The following ANO3 variants were observed in gnomAD, a reference collection of about 807,000 sequenced individuals.
The protein encoded by ANO3 is anoctamin-3.
ANO3 carries 99 observed loss-of-function variants against 144.8 expected under a neutral mutation model. The ratio of observed to expected loss-of-function variants is 0.68; its 90% CI spans 0.58 to 0.81. ANO3 has a LOEUF of 0.81. Ranked by LOEUF, ANO3 falls within the 30% of genes least tolerant of loss-of-function variation. ANO3 has a pLI of 0.00. For missense variants in ANO3, 905 were observed against 1,202.2 expected (o/e 0.75, Z 3.66); for synonymous variants, 414 against 392.6 (o/e 1.05, Z -0.64).
chr11:26,616,663 A>G (rs1018625292), intron 17 of ANO3, among the ~76,000 whole-genome samples: 2 of 152,258 alleles, frequency 1.3e-5, no homozygotes, highest in Non-Finnish European at 2.9e-5. Flanking sequence ...TGAAATAACT[A>G]TATTCTCAAA....
chr11:26,423,008 C>T (rs1590346174), intron 1 of ANO3, among the ~76,000 whole-genome samples: 1 of 152,022 alleles, frequency 6.6e-6, no homozygotes. Context: ...GGCAGGAAAA[C>T]ATAGGGCAGT....
chr11:26,300,855 C>CTTTTTTTTTTTTTT (rs376885670), intron 1 of ANO3, among the ~76,000 whole-genome samples: 5 of 129,068 alleles, frequency 3.9e-5, no homozygotes, highest in Admixed American at 7.8e-5. Context: ...TCTTTTTTTT[C>CTTTTTTTTTTTTTT]TTTTTTTTTT....
At chr11:26,491,586 A>G (rs1860710818) in intron 4 of ANO3, among the ~76,000 whole-genome samples, 1 of 152,222 alleles carries the variant, frequency 6.6e-6, no homozygotes, top group Non-Finnish European at 1.5e-5. Context: ...GCTTCATACC[A>G]GGAGGCCACA....
chr11:26,463,149 G>A lies in ANO3; in HGVS notation c.432+1G>A. ...TGAATTCAAGACAAAATTATCTAAG[G>A]TAATGAGAACTAAATTATCAATAAG... is the stretch of plus-strand genomic sequence containing the variant. On this transcript the variant is annotated splice_donor_variant, in intron 4 of 26. Transcript: ENST00000256737. LOFTEE classifies it high-confidence loss of function. 2 of 1,452,532 alleles carry A rather than the reference G, an allele frequency of 1.4e-6. No individual in the cohort carries two copies. The highest frequency in any genetic ancestry group is 2.3e-5 in the East Asian group (1 of 43,274). The allele number at this position is 1,452,532 out of a possible 1,614,324, so 90.0% of individuals were successfully genotyped here.
chr11:26,260,565 C>T (rs17308985), intron 1 of ANO3, among the ~76,000 whole-genome samples: 10,178 of 152,140 alleles, frequency 0.067, 462 homozygotes, highest in Non-Finnish European at 0.096. Context: ...AGGAGAATAA[C>T]ACTTTAGAAG....
intron 18 of ANO3, among the ~76,000 whole-genome samples, chr11:26,626,042 C>G (rs1354648561): frequency 6.6e-6 from 1 of 152,180 alleles, no homozygotes; most frequent in Admixed American, 6.5e-5. Context: ...TCATTTTCTT[C>G]TGGATTCCAG....
At chr11:26,437,981 A>G in intron 1 of ANO3, among the ~76,000 whole-genome samples, 1 of 152,360 alleles carries the variant, frequency 6.6e-6, no homozygotes, top group East Asian at 1.9e-4. Flanking sequence ...TCAACATATT[A>G]AGATAGCTAA....
chr11:26,397,657 G>A (rs1461385), intron 1 of ANO3, among the ~76,000 whole-genome samples: 40,134 of 151,800 alleles, frequency 0.26, 5,938 homozygotes, highest in African/African-American at 0.4. Context: ...AGGGTGATTG[G>A]CGTATTCATC....
At chr11:26,272,963 A>G (rs1853475393) in intron 1 of ANO3, among the ~76,000 whole-genome samples, 1 of 152,230 alleles carries the variant, frequency 6.6e-6, no homozygotes, top group South Asian at 2.1e-4. Context: ...GCTCCTTCTA[A>G]TTCATTTATC....
intron 1 of ANO3, among the ~76,000 whole-genome samples, chr11:26,290,089 C>A (rs1158110839): frequency 6.6e-6 from 1 of 151,916 alleles, no homozygotes; most frequent in Non-Finnish European, 1.5e-5. Context: ...AATTTCAGAG[C>A]CTGTTATTGG....
At chr11:26,201,624 A>G (rs539338394) in intron 1 of ANO3, among the ~76,000 whole-genome samples, 1 of 152,162 alleles carries the variant, frequency 6.6e-6, no homozygotes, top group East Asian at 1.9e-4. Flanking sequence ...TGACTTAATA[A>G]ATAACAAGTG....
chr11:26,610,235 A>G (rs1047789409), intron 17 of ANO3, among the ~76,000 whole-genome samples: 1 of 151,070 alleles, frequency 6.6e-6, no homozygotes, highest in Non-Finnish European at 1.5e-5. Flanking sequence ...GATTCTAGCC[A>G]TTCTAACTGG....
chr11:26,424,796 G>C (rs970628006), intron 1 of ANO3, among the ~76,000 whole-genome samples: 1 of 151,956 alleles, frequency 6.6e-6, no homozygotes, highest in Admixed American at 6.6e-5. Flanking sequence ...GAAAACATCA[G>C]TCAGTCTTCA....
At chr11:26,643,887 G>A (rs1853253638) in intron 23 of ANO3, among the ~76,000 whole-genome samples, 1 of 152,130 alleles carries the variant, frequency 6.6e-6, no homozygotes, top group South Asian at 2.1e-4. Context: ...GCTATGTGAG[G>A]ACACAGCGTT....
At chr11:26,406,426 C>A (rs1442983862) in intron 1 of ANO3, among the ~76,000 whole-genome samples, 4 of 151,868 alleles carry the variant, frequency 2.6e-5, no homozygotes, top group Non-Finnish European at 5.9e-5. Flanking sequence ...ATAGCAACCA[C>A]TGAATACAAC....
chr11:26,480,177 T>G (rs1860154590), intron 4 of ANO3, among the ~76,000 whole-genome samples: 1 of 152,172 alleles, frequency 6.6e-6, no homozygotes, highest in African/African-American at 2.4e-5. Context: ...TACCCACAAA[T>G]ACAAACTTCC....
At chr11:26,240,791 T>G (rs770445655) in intron 1 of ANO3, among the ~76,000 whole-genome samples, 1 of 152,220 alleles carries the variant, frequency 6.6e-6, no homozygotes, top group African/African-American at 2.4e-5. Context: ...TGCCATGTTA[T>G]GGAAACGTAT....
intron 5 of ANO3, among the ~76,000 whole-genome samples, chr11:26,515,862 T>C (rs1010114332): frequency 3.3e-5 from 5 of 151,992 alleles, no homozygotes; most frequent in Non-Finnish European, 7.4e-5. Context: ...GGATAAGCTC[T>C]GTGTAATTCA....
chr11:26,509,030 A>G (rs1856195687), intron 5 of ANO3, among the ~76,000 whole-genome samples: 1 of 151,344 alleles, frequency 6.6e-6, no homozygotes, highest in South Asian at 2.1e-4. Context: ...ATACAAATAT[A>G]TAAAATTTTA....
Sources: allele counts gnomAD v4.1 joint callset (sites outside exome capture counted in the v4.1 genomes callset), GRCh38; gene constraint gnomAD v4.1.1; transcripts MANE v1.5; gene names NCBI Gene and HGNC (gene_info 2026-07-23, HGNC 2026-07-21).